RFT1: variants seen among roughly 807,000 people sequenced by gnomAD.
RFT1 encodes man(5)GlcNAc(2)-PP-dolichol translocation protein RFT1.
Under a neutral mutation model 62.2 loss-of-function variants are expected in RFT1, and 43 were observed. The observed-to-expected ratio is 0.69, with a 90% CI of 0.54 to 0.89. The LOEUF (loss-of-function observed/expected upper bound fraction) is 0.89. Ranked by LOEUF, RFT1 falls within the 40% of genes least tolerant of loss-of-function variation. The pLI, the probability that RFT1 is intolerant of heterozygous loss-of-function variation, is 0.00. For synonymous variants in RFT1, 262 were observed against 264.6 expected (o/e 0.99, Z 0.10); for missense variants, 605 against 649.9 (o/e 0.93, Z 0.75).
At chr3:53,084,596 G>A (rs536856235), downstream of RFT1, among the ~76,000 whole-genome samples, 1 of 152,140 alleles carries the variant, frequency 6.6e-6, no homozygotes, top group African/African-American at 2.4e-5. Context: ...GACAGCTCCC[G>A]AGCCTGTTCC....
Position 53,119,900 on chromosome 3 carries a change from T to G in RFT1, c.680A>C (p.Asn227Thr). The G allele has an allele frequency of 6.2e-7, 1 of 1,611,708 alleles. No individual in the cohort carries two copies. Among genetic ancestry groups the G allele is most frequent in the Non-Finnish European group, 8.5e-7 (1 of 1,178,456 alleles). Reference protein sequence around the residue: ...PVSRITDLLPNITRNGAFINW... With the variant: ...PVSRITDLLPTITRNGAFINW... ...ATTACTTACTCCATTTCTTGTAATA[T>G]TGGGTAACAGATCTGTTATTCTGGA... The change falls in exon 6 of 13, where the codon AAT becomes ACT. Residue 227 changes from asparagine to threonine, a missense_variant. Asn to Thr is a moderately conservative substitution (Grantham distance 65, BLOSUM62 0). Transcript: ENST00000296292.
the RFT1 span, among the ~76,000 whole-genome samples, chr3:53,081,074 T>G: frequency 6.6e-6 from 1 of 152,234 alleles, no homozygotes; most frequent in Non-Finnish European, 1.5e-5. Context: ...AGTGCCTCCC[T>G]GGCTGGGGCA....
At chr3:53,072,622 G>A in the RFT1 span, among the ~76,000 whole-genome samples, 1 of 152,188 alleles carries the variant, frequency 6.6e-6, no homozygotes, top group African/African-American at 2.4e-5. Context: ...GTCTCTGTTG[G>A]CTCAGGGCTG....
chr3:53,099,360 T>C (rs369238449), intron 11 of RFT1, 21 bp downstream of exon 11: 2 of 1,583,794 alleles, frequency 1.3e-6, no homozygotes, highest in Non-Finnish European at 1.7e-6. Flanking sequence ...TGATTAAAGG[T>C]GTACCTGCTA....
At chr3:53,082,850 C>T in the RFT1 span, among the ~76,000 whole-genome samples, 19 of 152,068 alleles carry the variant, frequency 1.2e-4, no homozygotes, top group African/African-American at 4.3e-4. Flanking sequence ...CATGCTGTGC[C>T]GTTTAGAAGA....
downstream of RFT1, among the ~76,000 whole-genome samples, chr3:53,084,747 T>C (rs1043490049): frequency 7.2e-5 from 11 of 152,186 alleles, no homozygotes; most frequent in Admixed American, 3.9e-4. Context: ...CCAAACCCCT[T>C]TGTCAACATT....
chr3:53,111,058 G>A (rs1387553899), intron 7 of RFT1, among the ~76,000 whole-genome samples: 1 of 151,646 alleles, frequency 6.6e-6, no homozygotes, highest in African/African-American at 2.4e-5. Flanking sequence ...CCAGGATTAG[G>A]GAATTGACAT....
At chr3:53,083,617 C>T (rs546494201), downstream of RFT1, among the ~76,000 whole-genome samples, 3 of 152,314 alleles carry the variant, frequency 2.0e-5, no homozygotes, top group Non-Finnish European at 2.9e-5. Context: ...ACCCAGGGCC[C>T]GGCGCTTGGC....
chr3:53,122,868 A>T (rs1702009788), intron 3 of RFT1, among the ~76,000 whole-genome samples: 2 of 152,212 alleles, frequency 1.3e-5, no homozygotes. Flanking sequence ...ATAACTCCAA[A>T]GCCTAAACTT....
chr3:53,118,501 A>G (rs945264705), intron 6 of RFT1, among the ~76,000 whole-genome samples: 19 of 152,242 alleles, frequency 1.2e-4, no homozygotes, highest in African/African-American at 4.3e-4. Flanking sequence ...CATAGGATCT[A>G]GTTTTTCTCG....
intron 11 of RFT1, among the ~76,000 whole-genome samples, chr3:53,097,633 A>G (rs1315197323): frequency 6.6e-6 from 1 of 152,210 alleles, no homozygotes; most frequent in Non-Finnish European, 1.5e-5. Context: ...AAACATCTTA[A>G]ATGGGTTTGG....
In RFT1 at chr3:53,099,392, C is replaced by T. The variant is rs765986260; in HGVS notation, c.1197G>A (p.Glu399=). 1.2e-6 allele frequency: 2 copies of T among 1,613,850 alleles called. No individual in the cohort carries two copies. The highest frequency in any genetic ancestry group is 1.1e-5 in the South Asian group (1 of 91,076). ...GCTAGGTTACCCACCTGTCGACCTCCTCTTTGCTCATGGCAGCAAATGTGA... is the reference window on the plus strand; with the variant it reads ...GCTAGGTTACCCACCTGTCGACCTCTTCTTTGCTCATGGCAGCAAATGTGA... ...ECFTFAAMSK[E]EVDRYNFVML... Residue 399 remains glutamate, a synonymous_variant, in exon 11 of 13, where the codon GAG becomes GAA. Transcript: ENST00000296292.
intron 2 of RFT1, 22 bp from the exon 3 acceptor site, chr3:53,123,862 C>A: frequency 6.3e-7 from 1 of 1,579,270 alleles, no homozygotes; most frequent in South Asian, 1.1e-5. Context: ...AGGGAGAAAT[C>A]AATAAGGTCT....
intron 7 of RFT1, among the ~76,000 whole-genome samples, chr3:53,110,786 T>C (rs1367345675): frequency 6.6e-6 from 1 of 152,180 alleles, no homozygotes; most frequent in Non-Finnish European, 1.5e-5. Flanking sequence ...AGATTAAAAA[T>C]ACATTCAGTA....
downstream of RFT1, among the ~76,000 whole-genome samples, chr3:53,087,545 TG>T (rs1211338168): frequency 6.6e-6 from 1 of 151,028 alleles, no homozygotes. Context: ...TTTTTTGGAG[TG>T]GGGGGACAGG....
At chr3:53,119,400 G>C (rs547893997) in intron 6 of RFT1, among the ~76,000 whole-genome samples, 11 of 152,316 alleles carry the variant, frequency 7.2e-5, no homozygotes, top group African/African-American at 2.4e-4. Context: ...CCTCACCTAG[G>C]ACAGGTATTT....
intron 6 of RFT1, among the ~76,000 whole-genome samples, chr3:53,116,125 G>A (rs1354853303): frequency 6.6e-6 from 1 of 152,150 alleles, no homozygotes; most frequent in Non-Finnish European, 1.5e-5. Context: ...ACAAGAACAG[G>A]AAGGGAAATC....
intron 1 of RFT1, among the ~76,000 whole-genome samples, chr3:53,126,311 G>C (rs995482901): frequency 6.6e-6 from 1 of 152,218 alleles, no homozygotes; most frequent in African/African-American, 2.4e-5. Flanking sequence ...TGAGGAAGCA[G>C]AAAGAGAATT....
chr3:53,116,774 T>C (rs1433246850), intron 6 of RFT1, among the ~76,000 whole-genome samples: 5 of 152,120 alleles, frequency 3.3e-5, no homozygotes, highest in Non-Finnish European at 5.9e-5. Context: ...GCTAACTGTT[T>C]TGTATTTTTA....
Sources: allele counts gnomAD v4.1 joint callset (sites outside exome capture counted in the v4.1 genomes callset), GRCh38; gene constraint gnomAD v4.1.1; transcripts MANE v1.5; gene names NCBI Gene and HGNC (gene_info 2026-07-23, HGNC 2026-07-21).